Variants in VPS50 observed in about 807,000 individuals in gnomAD.
VPS50 encodes the protein syndetin.
VPS50 carries 70 observed loss-of-function variants against 139.7 expected under a neutral mutation model. That is an observed-to-expected ratio of 0.50 (90% CI 0.41 to 0.61). VPS50 has a LOEUF of 0.61. VPS50 is among the 20% of genes least tolerant of loss of function. The probability of loss-of-function intolerance (pLI) is 0.00; values close to 1 mark genes in which losing one functional copy is unlikely to be tolerated. For synonymous variants in VPS50, 365 were observed against 376.7 expected, an observed-to-expected ratio of 0.97 and a Z score of 0.36; for missense variants, 921 against 1,133.7, an observed-to-expected ratio of 0.81 and a Z score of 2.69.
chr7:93,234,396 A>G (rs1157442434), intron 1 of VPS50, among the ~76,000 whole-genome samples: 1 of 152,226 alleles, frequency 6.6e-6, no homozygotes, highest in African/African-American at 2.4e-5. Context: ...TTTAATTGAA[A>G]TGGAAAAAAA....
At chr7:93,276,071 T>A in intron 11 of VPS50, 94 bp from the exon 12 acceptor site, 1 of 1,170,676 alleles carries the variant, frequency 8.5e-7, no homozygotes, top group Non-Finnish European at 1.2e-6. Flanking sequence ...GTAACTATTA[T>A]TTGAAAAGAT....
chr7:93,331,280 T>C (rs991354492), intron 21 of VPS50, among the ~76,000 whole-genome samples: 1 of 150,954 alleles, frequency 6.6e-6, no homozygotes, highest in African/African-American at 2.4e-5. Context: ...TTAAAATTGA[T>C]ACAAAAAGCA....
intron 11 of VPS50, among the ~76,000 whole-genome samples, chr7:93,274,166 T>A (rs750887116): frequency 9.9e-5 from 15 of 152,138 alleles, no homozygotes; most frequent in Non-Finnish European, 1.9e-4. Flanking sequence ...TCTCTCACTT[T>A]AAATCAAAAG....
At position 93,258,178 on chromosome 7, in the gene VPS50, G is replaced by A; in HGVS notation, c.442G>A (p.Glu148Lys). The stretch of plus-strand genomic sequence containing the variant: ...TTGCAGACACTTGAATATTGCAAAG[G>A]AAGGTTTTACTCAAGCTAGTTTAGG... The part of the protein sequence containing the change: ...NGRRHLNIAK[E>K]GFTQASLGLL... The change falls in exon 7 of 28, where the codon GAA becomes AAA. Residue 148 changes from glutamate to lysine, a missense_variant. Transcript: ENST00000305866. 6.5e-7 allele frequency: 1 copy of A among 1,543,214 alleles called. No homozygotes were observed.
At chr7:93,320,825 G>A in intron 20 of VPS50, 1 of 152,514 alleles carries the variant, frequency 6.6e-6, no homozygotes, top group East Asian at 1.9e-4. Flanking sequence ...TAGCTTGATC[G>A]TTTTTCAGCC....
rs1386512198 is a variant in VPS50 at position 93,341,468 on chromosome 7, A to G, written c.2100A>G (p.Glu700=). 1.2e-6 allele frequency: 2 copies of G among 1,613,046 alleles called. No individual in the cohort carries two copies. Among genetic ancestry groups the G allele is most frequent in the South Asian group, 2.2e-5 (2 of 90,920 alleles). ...CTACTGCCACACTCACAGCAGCAGA[A>G]GAAAGAAAGGAGAAGGTGCCAAGTC... ...ADPTATLTAA[E]ERKEKVPSPH... Residue 700 remains glutamate (E), a synonymous_variant, in exon 23 of 28, where the codon GAA becomes GAG. Transcript: ENST00000305866.
At chr7:93,265,304 T>G (rs1370110283) in intron 9 of VPS50, among the ~76,000 whole-genome samples, 1 of 152,184 alleles carries the variant, frequency 6.6e-6, no homozygotes, top group East Asian at 1.9e-4. Context: ...ATAGTAAATA[T>G]TTTAGGTTTT....
chr7:93,345,355 A>G (rs574739244), intron 23 of VPS50, among the ~76,000 whole-genome samples: 1 of 152,300 alleles, frequency 6.6e-6, no homozygotes, highest in East Asian at 1.9e-4. Context: ...CCAACGAAAA[A>G]GAGTCCAGGA....
intron 12 of VPS50, among the ~76,000 whole-genome samples, chr7:93,283,731 A>G (rs1796399084): frequency 6.6e-6 from 1 of 152,216 alleles, no homozygotes; most frequent in African/African-American, 2.4e-5. Flanking sequence ...AAGGGAGGAA[A>G]AAGTTGGGTC....
chr7:93,345,006 C>T (rs1214631475), intron 23 of VPS50, among the ~76,000 whole-genome samples: 2 of 151,994 alleles, frequency 1.3e-5, no homozygotes, highest in Non-Finnish European at 2.9e-5. Flanking sequence ...AATAGAGACA[C>T]AAAAAACCCT....
chr7:93,247,423 A>G (rs1347990023), intron 2 of VPS50, among the ~76,000 whole-genome samples: 1 of 151,746 alleles, frequency 6.6e-6, no homozygotes, highest in East Asian at 1.9e-4. Context: ...TATTGCTTTA[A>G]CCTGTTGTGC....
At position 93,239,462 on chromosome 7, in the gene VPS50, A is replaced by G. The variant is rs148777959; in HGVS notation, c.34-404A>G. ...TTATATGTTAGCTTAGTTGGTTAGT[A>G]TATTGTATCTGTGAATCATAATACT... On this transcript the variant is annotated intron_variant, in intron 1 of 27. Coordinates refer to ENST00000305866, the MANE Select transcript of VPS50 (RefSeq NM_017667.4). Among the ~76,000 whole-genome samples, 36 of 152,308 alleles carry G rather than the reference A, an allele frequency of 2.4e-4. 1 individual carries two copies. In the East Asian group the frequency reaches 3.7e-3, roughly 15 times the overall value.
At chr7:93,250,224 G>GT in intron 2 of VPS50, among the ~76,000 whole-genome samples, 1 of 152,080 alleles carries the variant, frequency 6.6e-6, no homozygotes, top group East Asian at 1.9e-4. Flanking sequence ...ATTTTCTTGA[G>GT]TTTTAGATTT....
At position 93,259,618 on chromosome 7, in the gene VPS50, T is replaced by A. The variant is rs1174246971; in HGVS notation, c.645T>A (p.His215Gln). 6.3e-7 allele frequency: 1 copy of A among 1,576,650 alleles called. No homozygotes were observed. The change falls in exon 9 of 28, where the codon CAT (histidine) becomes CAA (glutamine). Residue 215 changes from histidine (H) to glutamine (Q), a missense_variant. Coordinates refer to ENST00000305866, the MANE Select transcript of VPS50 (RefSeq NM_017667.4). The stretch of plus-strand genomic sequence containing the variant: ...AAAAAGCTGCCAGCACTTTTAAACA[T>A]TACAGTTGTATAAGGTAAGGTCATG... ...ECQKAASTFK[H>Q]YSCISELNSK...
intron 14 of VPS50, among the ~76,000 whole-genome samples, chr7:93,295,986 A>G (rs895152282): frequency 2.0e-5 from 3 of 152,156 alleles, no homozygotes; most frequent in Non-Finnish European, 4.4e-5. Flanking sequence ...TTGGCCTCCC[A>G]AAGTGCTGGG....
Position 93,271,261 on chromosome 7 carries a change from A to G in VPS50, c.701A>G (p.Glu234Gly). The change falls in exon 10 of 28, where the codon GAG becomes GGG. Residue 234 changes from glutamate to glycine, a missense_variant and splice_region_variant. By Grantham distance (98) the Glu-to-Gly change is moderately conservative (BLOSUM62 -2). Transcript: ENST00000305866. The stretch of plus-strand genomic sequence containing the variant: ...CTGCAAGATACTTTGGAACAGATTG[A>G]GGTAAGAAGTATTATATCCTAACCT... Reference protein sequence around the residue: ...SKLQDTLEQIEEQLDVALSKI... With the variant: ...SKLQDTLEQIGEQLDVALSKI... 1 of 1,558,726 alleles carries G rather than the reference A, an allele frequency of 6.4e-7. No individual in the cohort carries two copies. Among genetic ancestry groups the G allele is most frequent in the South Asian group, 1.2e-5 (1 of 80,812 alleles).
intron 12 of VPS50, among the ~76,000 whole-genome samples, chr7:93,285,194 G>A (rs905999151): frequency 3.3e-5 from 5 of 152,160 alleles, no homozygotes; most frequent in Non-Finnish European, 7.4e-5. Flanking sequence ...CACTGTGTGT[G>A]TGTTTTGGGG....
intron 12 of VPS50, among the ~76,000 whole-genome samples, chr7:93,284,145 G>C (rs752015726): frequency 1.3e-5 from 2 of 152,106 alleles, no homozygotes; most frequent in Non-Finnish European, 2.9e-5. Flanking sequence ...TCTTTATATG[G>C]TGGCACACAG....
At chr7:93,271,172 T>C (rs1795996115) in intron 9 of VPS50, 48 bp from the exon 10 acceptor site, 1 of 1,555,102 alleles carries the variant, frequency 6.4e-7, no homozygotes, top group Non-Finnish European at 8.6e-7. Context: ...ATTTAGCACT[T>C]AGTTTGTCTC....
Sources: allele counts gnomAD v4.1 joint callset (sites outside exome capture counted in the v4.1 genomes callset), GRCh38; gene constraint gnomAD v4.1.1; transcripts MANE v1.5; gene names NCBI Gene and HGNC (gene_info 2026-07-23, HGNC 2026-07-21).